ST6GALNAC5: variants seen among roughly 807,000 people sequenced by gnomAD.
ST6GALNAC5 encodes the protein alpha-N-acetylgalactosaminide alpha-2,6-sialyltransferase 5.
Under a neutral mutation model 33.6 loss-of-function variants are expected in ST6GALNAC5, and 27 were observed. That is an observed-to-expected ratio of 0.80 (90% CI 0.59 to 1.11). ST6GALNAC5 has a LOEUF of 1.11. Among genes scored for constraint, ST6GALNAC5 ranks in the 50% least tolerant of loss-of-function variants. The pLI is 0.00. For synonymous variants in ST6GALNAC5, 194 were observed against 171.2 expected (o/e 1.13, Z -1.04); for missense variants, 428 against 454.0 (o/e 0.94, Z 0.52).
At chr1:77,057,905 A>G (rs781683049) in intron 4 of ST6GALNAC5, among the ~76,000 whole-genome samples, 41 of 152,200 alleles carry the variant, frequency 2.7e-4, no homozygotes, top group Non-Finnish European at 7.3e-5. Flanking sequence ...AAAGTGGAAC[A>G]TTACAAACCC....
In ST6GALNAC5 at chr1:76,922,927, C is replaced by A. The variant is rs1199744679; in HGVS notation, c.261+54185C>A. On this transcript the variant is annotated intron_variant, in intron 2 of 4. Transcript: ENST00000477717. ...CTCCCGCCTAGGTGACAGAGTGAAA[C>A]CTTGCCTCAAAAAAAAAAAAAAGAA... 4.0e-5 allele frequency among the ~76,000 whole-genome samples: 6 copies of A among 148,532 alleles called. No homozygotes were observed. In the South Asian group the frequency reaches 8.5e-4, roughly 21 times the overall value.
chr1:77,050,160 T>C, intron 3 of ST6GALNAC5, 98 bp from the exon 4 acceptor site: 2 of 948,590 alleles, frequency 2.1e-6, no homozygotes, highest in South Asian at 3.0e-5. Flanking sequence ...GGAGAGACTC[T>C]TGTTTATAGT....
chr1:76,877,291 T>C (rs377761941), intron 2 of ST6GALNAC5, among the ~76,000 whole-genome samples: 28 of 152,298 alleles, frequency 1.8e-4, no homozygotes, highest in African/African-American at 6.7e-4. Flanking sequence ...TCAAGCACCA[T>C]TGGATCTGCT....
At chr1:76,981,385 G>A (rs1215292819) in intron 2 of ST6GALNAC5, among the ~76,000 whole-genome samples, 3 of 152,196 alleles carry the variant, frequency 2.0e-5, no homozygotes, top group Non-Finnish European at 2.9e-5. Context: ...CTTGCTCACT[G>A]CTAGCACAGC....
chr1:77,020,081 A>C (rs1325515455), intron 2 of ST6GALNAC5, among the ~76,000 whole-genome samples: 1 of 152,234 alleles, frequency 6.6e-6, no homozygotes, highest in East Asian at 1.9e-4. Context: ...TTCTGATGAC[A>C]AAGAAAACTA....
intron 2 of ST6GALNAC5, among the ~76,000 whole-genome samples, chr1:76,915,578 T>C (rs1050051388): frequency 6.6e-5 from 10 of 151,120 alleles, no homozygotes; most frequent in African/African-American, 2.4e-4. Context: ...TCATTCTCAG[T>C]AAACTATCAC....
intron 2 of ST6GALNAC5, among the ~76,000 whole-genome samples, chr1:76,967,887 C>T (rs556190095): frequency 2.8e-4 from 42 of 152,184 alleles, no homozygotes; most frequent in South Asian, 6.2e-4. Flanking sequence ...TGTAGTTGTG[C>T]GGTTTTGAGT....
At chr1:77,045,711 G>T (rs1651985580) in intron 3 of ST6GALNAC5, among the ~76,000 whole-genome samples, 1 of 152,192 alleles carries the variant, frequency 6.6e-6, no homozygotes, top group African/African-American at 2.4e-5. Context: ...AGGGAATCAG[G>T]TGTGAGAGAA....
chr1:76,881,376 T>G (rs1267703189), intron 2 of ST6GALNAC5, among the ~76,000 whole-genome samples: 1 of 152,220 alleles, frequency 6.6e-6, no homozygotes, highest in Non-Finnish European at 1.5e-5. Flanking sequence ...CAGGAATGCA[T>G]AGTCTCAGCA....
chr1:76,940,801 A>C (rs1296772029), intron 2 of ST6GALNAC5, among the ~76,000 whole-genome samples: 1 of 152,082 alleles, frequency 6.6e-6, no homozygotes, highest in African/African-American at 2.4e-5. Flanking sequence ...CTGAATTAGA[A>C]GCTTTGGAGT....
At chr1:77,018,951 G>C (rs1305676092) in intron 2 of ST6GALNAC5, among the ~76,000 whole-genome samples, 4 of 152,186 alleles carry the variant, frequency 2.6e-5, no homozygotes, top group Non-Finnish European at 5.9e-5. Context: ...CAGAGACAGG[G>C]GCTGAGAAGG....
At chr1:76,958,657 A>C (rs1342452473) in intron 2 of ST6GALNAC5, among the ~76,000 whole-genome samples, 1 of 151,986 alleles carries the variant, frequency 6.6e-6, no homozygotes, top group South Asian at 2.1e-4. Context: ...GTGTGATGGG[A>C]TGGGGGTGGT....
chr1:76,883,498 ATAAG>A (rs1359516181), intron 2 of ST6GALNAC5, among the ~76,000 whole-genome samples: 1 of 152,234 alleles, frequency 6.6e-6, no homozygotes, highest in African/African-American at 2.4e-5. Context: ...GACAGAAATG[ATAAG>A]TAAGGGCAGA....
At chr1:76,983,540 C>T (rs1649345330) in intron 2 of ST6GALNAC5, among the ~76,000 whole-genome samples, 1 of 152,158 alleles carries the variant, frequency 6.6e-6, no homozygotes, top group Non-Finnish European at 1.5e-5. Flanking sequence ...TACAAAGAGA[C>T]TTAGACTCCC....
chr1:76,887,315 G>T (rs1653919420), intron 2 of ST6GALNAC5, among the ~76,000 whole-genome samples: 1 of 152,152 alleles, frequency 6.6e-6, no homozygotes, highest in Admixed American at 6.5e-5. Flanking sequence ...TATAATTTTG[G>T]TTTATTTCTG....
In ST6GALNAC5 at chr1:77,050,290, G is replaced by A; in HGVS notation, c.704G>A (p.Trp235Ter). The part of the protein sequence containing the change: ...KISNTWLSTG[W>*]FTMTIALELC... ...TCCAACACTTGGCTCAGCACTGGCT[G>A]GTTTACAATGACAATTGCACTGGAG... Residue 235 changes from tryptophan (W) to a stop codon, truncating the protein, a stop_gained, in exon 4 of 5, where the codon TGG becomes TAG. Transcript: ENST00000477717. LOFTEE classifies it high-confidence loss of function. 2 of 1,614,044 alleles carry A rather than the reference G, an allele frequency of 1.2e-6. No homozygotes were observed. Among genetic ancestry groups the A allele is most frequent in the Non-Finnish European group, 1.7e-6 (2 of 1,179,932 alleles).
intron 2 of ST6GALNAC5, among the ~76,000 whole-genome samples, chr1:76,999,236 T>C (rs1159077563): frequency 6.6e-6 from 1 of 152,130 alleles, no homozygotes; most frequent in Non-Finnish European, 1.5e-5. Context: ...TTTCTGTAAT[T>C]AAAAAAGGGA....
At chr1:77,049,137 C>A (rs569467418) in intron 3 of ST6GALNAC5, among the ~76,000 whole-genome samples, 1 of 152,256 alleles carries the variant, frequency 6.6e-6, no homozygotes, top group East Asian at 1.9e-4. Context: ...AAAATGTCCT[C>A]TCTCTATTTT....
At chr1:76,930,018 T>A (rs1647124211) in intron 2 of ST6GALNAC5, among the ~76,000 whole-genome samples, 1 of 152,126 alleles carries the variant, frequency 6.6e-6, no homozygotes, top group Non-Finnish European at 1.5e-5. Flanking sequence ...CAAGATAAAA[T>A]TTGAAAAATA....
Sources: allele counts gnomAD v4.1 joint callset (sites outside exome capture counted in the v4.1 genomes callset), GRCh38; gene constraint gnomAD v4.1.1; transcripts MANE v1.5; gene names NCBI Gene and HGNC (gene_info 2026-07-23, HGNC 2026-07-21).